The following SORBS2 variants were observed in gnomAD, a reference collection of about 807,000 sequenced individuals.
SORBS2 encodes sorbin and SH3 domain containing 2.
A neutral mutation model predicts 97.7 loss-of-function variants in SORBS2; 46 were observed. The observed-to-expected ratio is 0.47, with a 90% confidence interval of 0.37 to 0.60. The LOEUF is 0.60. SORBS2 is among the 20% of genes least tolerant of loss of function. The pLI is 0.00. For synonymous variants in SORBS2, 476 were observed against 473.4 expected (o/e 1.01, Z -0.07); for missense variants, 1,316 against 1,282.3 (o/e 1.03, Z -0.40).
chr4:185,696,431 T>C (rs2098175729), intron 2 of SORBS2, among the ~76,000 whole-genome samples: 1 of 152,186 alleles, frequency 6.6e-6, no homozygotes, highest in Admixed American at 6.5e-5. Context: ...AATGGTCATG[T>C]GACTTAACAT....
At chr4:185,934,495 T>C (rs2099267965) in intron 1 of SORBS2, among the ~76,000 whole-genome samples, 1 of 152,094 alleles carries the variant, frequency 6.6e-6, no homozygotes, top group African/African-American at 2.4e-5. Context: ...TCACGGTGGC[T>C]CACACCTGTA....
At chr4:185,644,284 C>G (rs2097174562) in intron 4 of SORBS2, among the ~76,000 whole-genome samples, 1 of 152,252 alleles carries the variant, frequency 6.6e-6, no homozygotes, top group South Asian at 2.1e-4. Flanking sequence ...TATCCACACT[C>G]GAATCTCTGT....
chr4:185,771,778 T>C (rs1367202280), intron 2 of SORBS2: 1 of 152,352 alleles, frequency 6.6e-6, no homozygotes, highest in East Asian at 1.9e-4. Flanking sequence ...CATTCATTTT[T>C]ATGAAAATTC....
intron 1 of SORBS2, among the ~76,000 whole-genome samples, chr4:185,946,674 T>A (rs890297811): frequency 6.6e-6 from 1 of 152,228 alleles, no homozygotes; most frequent in Non-Finnish European, 1.5e-5. Context: ...GATGAACTCA[T>A]TCTTTTCAAA....
At chr4:185,727,237 G>A (rs768384639) in intron 2 of SORBS2, among the ~76,000 whole-genome samples, 90 of 152,298 alleles carry the variant, frequency 5.9e-4, no homozygotes, top group Non-Finnish European at 8.5e-4. Context: ...CATCCCCTCT[G>A]AAGAGTGGAC....
At chr4:185,838,416 G>C (rs1161023743) in intron 1 of SORBS2, among the ~76,000 whole-genome samples, 2 of 152,206 alleles carry the variant, frequency 1.3e-5, no homozygotes, top group East Asian at 1.9e-4. Context: ...CTCAACTCAC[G>C]GATGCGCTGG....
chr4:185,788,845 T>C (rs1405584755), intron 1 of SORBS2, among the ~76,000 whole-genome samples: 2 of 152,242 alleles, frequency 1.3e-5, no homozygotes, highest in Non-Finnish European at 2.9e-5. Context: ...AACTCTGTTT[T>C]CGTGTTACAG....
At chr4:185,715,874 TG>T (rs2153554224) in intron 2 of SORBS2, among the ~76,000 whole-genome samples, 1 of 152,338 alleles carries the variant, frequency 6.6e-6, no homozygotes, top group Non-Finnish European at 1.5e-5. Context: ...GTTGCTGGAA[TG>T]TGTAACAGAA....
At chr4:185,700,254 T>C (rs1199709720) in intron 2 of SORBS2, among the ~76,000 whole-genome samples, 1 of 151,912 alleles carries the variant, frequency 6.6e-6, no homozygotes, top group Non-Finnish European at 1.5e-5. Context: ...TCAAGGAAGA[T>C]TGGGCTCCAG....
chr4:185,788,999 C>T (rs1436965574), intron 1 of SORBS2, among the ~76,000 whole-genome samples: 3 of 152,190 alleles, frequency 2.0e-5, no homozygotes, highest in East Asian at 3.8e-4. Flanking sequence ...ACAAACGCCA[C>T]GACCTACAAA....
intron 2 of SORBS2, among the ~76,000 whole-genome samples, chr4:185,749,827 C>T (rs1027615423): frequency 5.9e-5 from 9 of 152,184 alleles, no homozygotes; most frequent in African/African-American, 2.2e-4. Flanking sequence ...AGAGAAAATG[C>T]ATGCTGACTA....
chr4:185,939,048 C>CT (rs944787854), intron 1 of SORBS2, among the ~76,000 whole-genome samples: 4 of 152,220 alleles, frequency 2.6e-5, no homozygotes, highest in African/African-American at 9.6e-5. Flanking sequence ...TAAAGGAATA[C>CT]TCAGTGCCTT....
chr4:185,828,121 G>C (rs980436245), intron 1 of SORBS2, among the ~76,000 whole-genome samples: 1 of 152,208 alleles, frequency 6.6e-6, no homozygotes, highest in Non-Finnish European at 1.5e-5. Flanking sequence ...CTTTGGGGAT[G>C]TGTCCTTAGT....
intron 1 of SORBS2, among the ~76,000 whole-genome samples, chr4:185,791,934 GC>G (rs2099082116): frequency 1.3e-5 from 2 of 152,122 alleles, no homozygotes; most frequent in Non-Finnish European, 2.9e-5. Context: ...AAACAGACAG[GC>G]CCCCTGGCAT....
chr4:185,678,387 T>C, intron 4 of SORBS2, 36 bp downstream of exon 7: 1 of 1,518,066 alleles, frequency 6.6e-7, no homozygotes, highest in South Asian at 1.3e-5. Flanking sequence ...AATCATGCCT[T>C]AAAATAATGC....
At chr4:185,934,315 T>G (rs930148295) in intron 1 of SORBS2, among the ~76,000 whole-genome samples, 2 of 152,142 alleles carry the variant, frequency 1.3e-5, no homozygotes, top group African/African-American at 2.4e-5. Context: ...GGATAAAACA[T>G]GAATAAGGCA....
In SORBS2 at chr4:185,614,786, GAACA is replaced by G. The variant is rs769124831; in HGVS notation, c.2595+41_2595+44del. On this transcript the variant is annotated intron_variant, in intron 11 of 14. Coordinates refer to ENST00000418609, the Ensembl canonical transcript of SORBS2. ...ATACAGCCTTTTCAAACCCACTGAA[GAACA>G]AACAAACAAAAACAAACAAACAAAA... The G allele has an allele frequency of 7.5e-6, 12 of 1,606,812 alleles. No homozygotes were observed. The East Asian group carries it at 1.1e-4, about 15-fold the overall frequency.
chr4:185,856,007 C>T (rs1184680257), intron 1 of SORBS2, among the ~76,000 whole-genome samples: 1 of 152,194 alleles, frequency 6.6e-6, no homozygotes, highest in Non-Finnish European at 1.5e-5. Flanking sequence ...CAGGTATAAA[C>T]TGACATTTTG....
chr4:185,825,051 C>T (rs56202118), intron 1 of SORBS2, among the ~76,000 whole-genome samples: 10,708 of 152,216 alleles, frequency 0.07, 562 homozygotes, highest in Middle Eastern at 0.15. Flanking sequence ...TCAGGCTCTC[C>T]GAGATTCTGC....
Sources: allele counts gnomAD v4.1 joint callset (sites outside exome capture counted in the v4.1 genomes callset), GRCh38; gene constraint gnomAD v4.1.1; transcripts MANE v1.5; gene names NCBI Gene and HGNC (gene_info 2026-07-23, HGNC 2026-07-21).